The following PEX5L variants were observed in gnomAD, a reference collection of about 807,000 sequenced individuals.
PEX5L encodes PEX5-related protein.
In PEX5L, 30 loss-of-function variants were observed where a neutral mutation model predicts 84.0. The ratio of observed to expected loss-of-function variants is 0.36; its 90% CI spans 0.27 to 0.48. The LOEUF is 0.48. Ranked by LOEUF, PEX5L falls within the 20% of genes least tolerant of loss-of-function variation. The probability of loss-of-function intolerance (pLI) is 0.99; values close to 1 mark genes in which losing one functional copy is unlikely to be tolerated. For synonymous variants in PEX5L, 270 were observed against 283.1 expected (o/e 0.95, Z 0.46); for missense variants, 533 against 754.6 (o/e 0.71, Z 3.44).
At chr3:180,027,954 G>A (rs1791115666) in intron 1 of PEX5L, among the ~76,000 whole-genome samples, 1 of 152,154 alleles carries the variant, frequency 6.6e-6, no homozygotes, top group African/African-American at 2.4e-5. Context: ...ATTATTACCT[G>A]AGTGACGCTG....
chr3:179,929,701 CT>C (rs1472201719), intron 2 of PEX5L, among the ~76,000 whole-genome samples: 4 of 152,196 alleles, frequency 2.6e-5, no homozygotes, highest in African/African-American at 9.7e-5. Context: ...CCTAATGCCC[CT>C]GCCCCTGCCT....
chr3:179,855,267 C>T (rs1240410609), intron 8 of PEX5L, among the ~76,000 whole-genome samples: 1 of 152,160 alleles, frequency 6.6e-6, no homozygotes, highest in Non-Finnish European at 1.5e-5. Flanking sequence ...GATATAAAAA[C>T]ATAAGGCAGA....
chr3:179,841,831 G>C (rs1430793727), intron 8 of PEX5L, among the ~76,000 whole-genome samples: 2 of 152,176 alleles, frequency 1.3e-5, no homozygotes, highest in Non-Finnish European at 2.9e-5. Flanking sequence ...GGTGCCTTCT[G>C]TATGTGTCAC....
At chr3:179,918,303 G>A (rs1271636916) in intron 2 of PEX5L, among the ~76,000 whole-genome samples, 1 of 152,146 alleles carries the variant, frequency 6.6e-6, no homozygotes, top group Non-Finnish European at 1.5e-5. Context: ...AAAGCATACG[G>A]ATTCCAAGTA....
At chr3:179,954,633 A>C in intron 2 of PEX5L, among the ~76,000 whole-genome samples, 1 of 152,132 alleles carries the variant, frequency 6.6e-6, no homozygotes, top group East Asian at 1.9e-4. Flanking sequence ...AATGCAATGC[A>C]GTTTCGTTTT....
intron 8 of PEX5L, among the ~76,000 whole-genome samples, chr3:179,845,463 A>T (rs553230172): frequency 7.9e-5 from 12 of 152,376 alleles, no homozygotes; most frequent in Admixed American, 2.6e-4. Context: ...CATTAAAGGT[A>T]GCTCTGCCCT....
chr3:179,908,465 T>G (rs1190459550), intron 2 of PEX5L, among the ~76,000 whole-genome samples: 1 of 152,210 alleles, frequency 6.6e-6, no homozygotes, highest in Non-Finnish European at 1.5e-5. Context: ...TGTTTTATCT[T>G]TTTTTATTTT....
intron 1 of PEX5L, among the ~76,000 whole-genome samples, chr3:180,023,366 G>T (rs965360172): frequency 6.6e-5 from 10 of 152,172 alleles, no homozygotes; most frequent in Non-Finnish European, 1.0e-4. Flanking sequence ...ATCAGGGATA[G>T]CTTTACAGGA....
intron 1 of PEX5L, among the ~76,000 whole-genome samples, chr3:179,992,491 G>A (rs1787471975): frequency 6.6e-6 from 1 of 152,128 alleles, no homozygotes; most frequent in African/African-American, 2.4e-5. Flanking sequence ...ATGCATGGTA[G>A]GTGCTCACAA....
At chr3:180,018,819 G>A (rs1223749935) in intron 1 of PEX5L, among the ~76,000 whole-genome samples, 1 of 152,176 alleles carries the variant, frequency 6.6e-6, no homozygotes, top group Non-Finnish European at 1.5e-5. Flanking sequence ...GGCTCCCCCT[G>A]CCTCTGAGAT....
intron 3 of PEX5L, among the ~76,000 whole-genome samples, chr3:179,894,652 C>T (rs1312668460): frequency 1.3e-5 from 2 of 151,998 alleles, no homozygotes; most frequent in Admixed American, 6.6e-5. Flanking sequence ...TTACTAGCAG[C>T]CTTGAAAATA....
At chr3:179,872,139 C>T (rs1560475811) in intron 7 of PEX5L, among the ~76,000 whole-genome samples, 1 of 152,210 alleles carries the variant, frequency 6.6e-6, no homozygotes, top group Non-Finnish European at 1.5e-5. Flanking sequence ...CTGCCTCGGC[C>T]TACCAAAGTG....
At chr3:179,818,938 G>C (rs1165085403) in intron 9 of PEX5L, among the ~76,000 whole-genome samples, 2 of 150,874 alleles carry the variant, frequency 1.3e-5, no homozygotes, top group African/African-American at 2.4e-5. Context: ...ACCTCCTGGG[G>C]TTGAAGTGAT....
At chr3:180,034,915 C>G (rs1278209480) in intron 1 of PEX5L, among the ~76,000 whole-genome samples, 1 of 152,092 alleles carries the variant, frequency 6.6e-6, no homozygotes, top group Non-Finnish European at 1.5e-5. Flanking sequence ...CCAGGCAACT[C>G]AAGTTTCAAT....
intron 1 of PEX5L, among the ~76,000 whole-genome samples, chr3:179,996,152 C>T (rs938617085): frequency 1.3e-5 from 2 of 152,144 alleles, no homozygotes; most frequent in African/African-American, 2.4e-5. Context: ...CCCCTGTTAG[C>T]TTCTAGACCT....
At chr3:179,999,200 G>A (rs565227653) in intron 1 of PEX5L, among the ~76,000 whole-genome samples, 5 of 152,188 alleles carry the variant, frequency 3.3e-5, no homozygotes, top group Non-Finnish European at 7.3e-5. Context: ...TGGGGAAAAG[G>A]TATGTGGATG....
At chr3:180,036,120 T>C (rs1413486528) in intron 1 of PEX5L, among the ~76,000 whole-genome samples, 3 of 152,218 alleles carry the variant, frequency 2.0e-5, no homozygotes, top group Non-Finnish European at 4.4e-5. Flanking sequence ...AATCGTTTTT[T>C]AAATATAACA....
intron 10 of PEX5L, among the ~76,000 whole-genome samples, chr3:179,815,215 G>A (rs1725560685): frequency 6.6e-6 from 1 of 152,240 alleles, no homozygotes; most frequent in South Asian, 2.1e-4. Flanking sequence ...AGTAAACCAA[G>A]GGTGATGTAC....
intron 2 of PEX5L, among the ~76,000 whole-genome samples, chr3:179,959,073 TA>T (rs1336117459): frequency 3.7e-5 from 5 of 134,734 alleles, no homozygotes; most frequent in Non-Finnish European, 8.2e-5. Flanking sequence ...AAAAAAAAAA[TA>T]AAAAAAACCA....
Sources: gnomAD v4.1 joint callset for allele counts (sites outside exome capture counted in the v4.1 genomes callset) on GRCh38, gnomAD v4.1.1 for gene constraint, MANE v1.5 for transcripts, NCBI Gene and HGNC (gene_info 2026-07-23, HGNC 2026-07-21) for gene names.